Variants in PDGFD observed in about 807,000 individuals in gnomAD.
PDGFD encodes the protein platelet-derived growth factor D.
In PDGFD, 30 loss-of-function variants were observed where a neutral mutation model predicts 44.7. The ratio of observed to expected loss-of-function variants is 0.67; its 90% CI spans 0.50 to 0.91. The LOEUF is 0.91. Among genes scored for constraint, PDGFD ranks in the 40% least tolerant of loss-of-function variants. The pLI is 0.00. For missense variants in PDGFD, 445 were observed against 457.8 expected (o/e 0.97, Z 0.25); for synonymous variants, 173 against 168.4 (o/e 1.03, Z -0.21).
chr11:104,109,868 G>C (rs1861527082), intron 1 of PDGFD, among the ~76,000 whole-genome samples: 1 of 152,064 alleles, frequency 6.6e-6, no homozygotes, highest in Non-Finnish European at 1.5e-5. Flanking sequence ...TCTGGATCCA[G>C]ACTGCCTGGT....
intron 6 of PDGFD, among the ~76,000 whole-genome samples, chr11:103,915,149 G>A (rs1389955973): frequency 6.6e-6 from 1 of 152,192 alleles, no homozygotes; most frequent in Non-Finnish European, 1.5e-5. Flanking sequence ...AAGAGAGGAA[G>A]TCATATTGTC....
intron 3 of PDGFD, among the ~76,000 whole-genome samples, chr11:103,957,571 C>T (rs934106912): frequency 1.3e-5 from 2 of 152,076 alleles, no homozygotes; most frequent in African/African-American, 4.8e-5. Context: ...CGCATATCTA[C>T]AACTATCTGA....
At chr11:104,115,841 A>G (rs985121175) in intron 1 of PDGFD, among the ~76,000 whole-genome samples, 5 of 151,950 alleles carry the variant, frequency 3.3e-5, no homozygotes, top group Admixed American at 3.3e-4. Flanking sequence ...TCTTCTTTTG[A>G]GAACTGTCTA....
At chr11:103,941,022 A>G (rs1858575421) in intron 5 of PDGFD, among the ~76,000 whole-genome samples, 1 of 152,114 alleles carries the variant, frequency 6.6e-6, no homozygotes, top group Non-Finnish European at 1.5e-5. Context: ...CCATCCCACA[A>G]ACATTAATTG....
At chr11:104,100,832 C>T (rs1861366364) in intron 1 of PDGFD, among the ~76,000 whole-genome samples, 1 of 152,132 alleles carries the variant, frequency 6.6e-6, no homozygotes, top group Non-Finnish European at 1.5e-5. Context: ...AGCATATAAA[C>T]ACAACCAACG....
chr11:104,051,486 G>A (rs912141469), intron 1 of PDGFD, among the ~76,000 whole-genome samples: 5 of 151,886 alleles, frequency 3.3e-5, no homozygotes, highest in Non-Finnish European at 7.4e-5. Flanking sequence ...TCCACTACGG[G>A]GGTCATACCA....
chr11:104,115,128 T>G (rs1347144699), intron 1 of PDGFD, among the ~76,000 whole-genome samples: 2 of 151,772 alleles, frequency 1.3e-5, no homozygotes, highest in Non-Finnish European at 2.9e-5. Context: ...CTCCCACTTA[T>G]GAGTGATTAC....
At chr11:103,954,972 G>A (rs1192608586) in intron 3 of PDGFD, among the ~76,000 whole-genome samples, 3 of 150,962 alleles carry the variant, frequency 2.0e-5, no homozygotes, top group Admixed American at 6.6e-5. Context: ...AGACCATCCC[G>A]GCTAAAACGG....
chr11:104,083,585 T>A (rs1422849546), intron 1 of PDGFD, among the ~76,000 whole-genome samples: 2 of 152,170 alleles, frequency 1.3e-5, no homozygotes, highest in African/African-American at 4.8e-5. Context: ...TCTAAACTTT[T>A]AAAACGACCA....
rs1857996089 is a variant in PDGFD at position 103,909,592 on chromosome 11, G to A, written c.*102C>T. On this transcript the variant is annotated 3_prime_UTR_variant, in exon 7 of 7. Transcript: ENST00000393158. ...AACCACTTGTGTTCATTGCATTGCA[G>A]GCTAGTAGTAAGTTTGGTTGCTGGT... 4.9e-6 allele frequency: 7 copies of A among 1,432,546 alleles called. No individual in the cohort carries two copies. The East Asian group carries it at 1.4e-4, about 28-fold the overall frequency. The allele number at this position is 1,432,546 out of a possible 1,614,324, so 88.7% of individuals were successfully genotyped here. A position where few individuals can be genotyped will look rare whatever the true frequency, so the allele number is the denominator to read the frequency against.
chr11:103,943,218 T>G (rs1858613781), intron 5 of PDGFD, among the ~76,000 whole-genome samples: 1 of 152,068 alleles, frequency 6.6e-6, no homozygotes, highest in African/African-American at 2.4e-5. Flanking sequence ...AATCCAAAAC[T>G]TTTTGAGCAC....
At chr11:104,069,792 G>T (rs1428863221) in intron 1 of PDGFD, among the ~76,000 whole-genome samples, 2 of 152,180 alleles carry the variant, frequency 1.3e-5, no homozygotes, top group Non-Finnish European at 2.9e-5. Flanking sequence ...CCCGGGAGGC[G>T]GAGCTTGCAG....
chr11:104,032,573 T>G (rs543995749), intron 1 of PDGFD, among the ~76,000 whole-genome samples: 90 of 152,242 alleles, frequency 5.9e-4, no homozygotes, highest in Admixed American at 1.0e-3. Context: ...ACAATTATTT[T>G]GCTTAGTACA....
At chr11:103,999,560 C>T (rs1227634437) in intron 2 of PDGFD, among the ~76,000 whole-genome samples, 1 of 152,146 alleles carries the variant, frequency 6.6e-6, no homozygotes, top group Non-Finnish European at 1.5e-5. Flanking sequence ...GAGGCCTTAA[C>T]ACTATGAATT....
chr11:103,909,784 C>T lies in PDGFD; in HGVS notation c.1023G>A (p.Arg341=). ...LQFEPGHIKR[R]GRAKTMALVD... ...CTAGAGCCATGGTCTTAGCTCTACC[C>T]CTCCTCTTGATGTGGCCAGGCTCAA... The change falls in exon 7 of 7, where the codon AGG becomes AGA. Residue 341 remains arginine (R), a synonymous_variant. Transcript: ENST00000393158. 1 of 1,614,064 alleles carries T rather than the reference C, an allele frequency of 6.2e-7. No homozygotes were observed. Among genetic ancestry groups the T allele is most frequent in the Non-Finnish European group, 8.5e-7 (1 of 1,179,952 alleles).
chr11:103,909,652 T>G lies in PDGFD; in HGVS notation c.*42A>C. ...GTCTCTTATCTCACCCTCCTTAAAC[T>G]AAAGGTTCTTTCAGGCTTAATGTAA... On this transcript the variant is annotated 3_prime_UTR_variant, in exon 7 of 7. Transcript: ENST00000393158. 6.2e-7 allele frequency: 1 copy of G among 1,611,528 alleles called. No homozygotes were observed. The highest frequency in any genetic ancestry group is 8.5e-7 in the Non-Finnish European group (1 of 1,177,786).
intron 6 of PDGFD, among the ~76,000 whole-genome samples, chr11:103,922,906 G>A (rs1274749817): frequency 6.6e-6 from 1 of 152,010 alleles, no homozygotes; most frequent in Non-Finnish European, 1.5e-5. Flanking sequence ...CAAAGACAAA[G>A]GTAGAACAAA....
At chr11:103,921,647 C>A (rs1858223293) in intron 6 of PDGFD, among the ~76,000 whole-genome samples, 1 of 151,290 alleles carries the variant, frequency 6.6e-6, no homozygotes, top group Admixed American at 6.6e-5. Context: ...TGAGGATAAT[C>A]TGTACCAATT....
intron 1 of PDGFD, among the ~76,000 whole-genome samples, chr11:104,119,586 G>A (rs1210642475): frequency 2.4e-5 from 2 of 81,656 alleles, no homozygotes; most frequent in South Asian, 8.5e-4. Flanking sequence ...ATAATATATT[G>A]ATATAATATA....
Sources: gnomAD v4.1 joint callset for allele counts (sites outside exome capture counted in the v4.1 genomes callset) on GRCh38, gnomAD v4.1.1 for gene constraint, MANE v1.5 for transcripts, NCBI Gene and HGNC (gene_info 2026-07-23, HGNC 2026-07-21) for gene names.